The following SLC30A10 variants were observed in gnomAD, a reference collection of about 807,000 sequenced individuals.
The protein encoded by SLC30A10 is calcium/manganese antiporter SLC30A10.
SLC30A10 carries 8 observed loss-of-function variants against 21.7 expected under a neutral mutation model. The observed-to-expected ratio is 0.37, with a 90% CI of 0.22 to 0.67. SLC30A10 has a LOEUF of 0.67. SLC30A10 is among the 30% of genes least tolerant of loss of function. The pLI, the probability that SLC30A10 is intolerant of heterozygous loss-of-function variation, is 0.58. For synonymous variants in SLC30A10, 272 were observed against 279.4 expected, an observed-to-expected ratio of 0.97 and a Z score of 0.26; for missense variants, 521 against 642.5, an observed-to-expected ratio of 0.81 and a Z score of 2.04.
chr1:219,956,000 G>T (rs2789818), intron 1 of SLC30A10, among the ~76,000 whole-genome samples: 54,112 of 151,990 alleles, frequency 0.36, 9,635 homozygotes, highest in Admixed American at 0.4. Flanking sequence ...TATGACGTTC[G>T]TCTGATGCAA....
chr1:219,928,545 C>T lies in SLC30A10; in HGVS notation c.-105G>A. 1 of 1,110,402 alleles carries T rather than the reference C, an allele frequency of 9.0e-7. No individual in the cohort carries two copies. Among genetic ancestry groups the T allele is most frequent in the Non-Finnish European group, 1.2e-6 (1 of 832,208 alleles). The allele number at this position is 1,110,402 out of a possible 1,614,324, so 68.8% of individuals were successfully genotyped here. On this transcript the variant is annotated 5_prime_UTR_variant, in exon 1 of 4. Coordinates refer to ENST00000366926, the MANE Select transcript of SLC30A10 (RefSeq NM_018713.3). The surrounding 1 kb of genome is among the most constrained non-coding windows in gnomAD (Gnocchi z 6.3). ...GCGCGGATCCGTGAGGCCCGGTACC[C>T]GCCTCCCAGATTGTCTCGCCGGCCC...
chr1:219,919,720 G>A (rs1659631938), intron 2 of SLC30A10, among the ~76,000 whole-genome samples: 1 of 150,470 alleles, frequency 6.6e-6, no homozygotes, highest in Non-Finnish European at 1.5e-5. Flanking sequence ...AGGTTGCAGT[G>A]AGCCGAGATA....
At chr1:219,936,077 A>G (rs1270641836) in intron 1 of SLC30A10, among the ~76,000 whole-genome samples, 1 of 152,186 alleles carries the variant, frequency 6.6e-6, no homozygotes, top group African/African-American at 2.4e-5. Context: ...CACTATTACT[A>G]TCACAAAATG....
upstream of SLC30A10, among the ~76,000 whole-genome samples, chr1:219,932,577 T>C (rs578090033): frequency 5.3e-5 from 8 of 152,250 alleles, no homozygotes; most frequent in South Asian, 1.7e-3. Flanking sequence ...TTGGTGAATT[T>C]ATATAATGTG....
chr1:219,940,326 T>C (rs1558258755), intron 1 of SLC30A10, among the ~76,000 whole-genome samples: 1 of 152,208 alleles, frequency 6.6e-6, no homozygotes. Context: ...TATAAGTGAA[T>C]GAGCCTTCAA....
At chr1:219,921,071 G>C (rs533511097) in intron 2 of SLC30A10, among the ~76,000 whole-genome samples, 22 of 152,312 alleles carry the variant, frequency 1.4e-4, no homozygotes, top group Admixed American at 1.3e-3. Flanking sequence ...GCGTGGAAAA[G>C]AAAACAAATT....
chr1:219,957,590 T>C (rs1178144782), intron 1 of SLC30A10, among the ~76,000 whole-genome samples: 2 of 152,242 alleles, frequency 1.3e-5, no homozygotes. Context: ...ATAAGTTACT[T>C]AGCATTTCTC....
intron 2 of SLC30A10, among the ~76,000 whole-genome samples, chr1:219,922,204 T>G (rs1368474843): frequency 0.021 from 1,322 of 63,428 alleles, 116 homozygotes; most frequent in African/African-American, 0.045. Context: ...TTTTTTTTTT[T>G]TTTTTTTTTT....
Position 219,917,706 on chromosome 1 carries a change from T to C in SLC30A10, c.958+549A>G, listed in dbSNP as rs563466771. Among the ~76,000 whole-genome samples the C allele has an allele frequency of 3.5e-5, 5 of 141,848 alleles. No individual in the cohort carries two copies. The South Asian group carries it at 1.1e-3, about 31-fold the overall frequency. The allele number at this position is 141,848 out of a possible 152,430, so 93.1% of individuals were successfully genotyped here. The stretch of plus-strand genomic sequence containing the variant: ...ATTGCATTCTTTTCTTTTTTTTCTT[T>C]CCTTTTTTTTTTTTTTTTTTTTGAG... On this transcript the variant is annotated intron_variant, in intron 3 of 3. Coordinates refer to ENST00000366926, the MANE Select transcript of SLC30A10 (RefSeq NM_018713.3).
intron 1 of SLC30A10, among the ~76,000 whole-genome samples, chr1:219,940,252 T>C (rs937997839): frequency 6.6e-6 from 1 of 152,164 alleles, no homozygotes; most frequent in Non-Finnish European, 1.5e-5. Context: ...CAAGGAGCAG[T>C]CACGTGTAGG....
chr1:219,953,529 G>A (rs1277587929), intron 1 of SLC30A10, among the ~76,000 whole-genome samples: 15 of 151,704 alleles, frequency 9.9e-5, no homozygotes, highest in African/African-American at 3.4e-4. Flanking sequence ...TTGGACCAGG[G>A]AGGCAGAGGT....
intron 1 of SLC30A10, among the ~76,000 whole-genome samples, chr1:219,927,492 A>G (rs1460701567): frequency 2.6e-5 from 4 of 151,978 alleles, no homozygotes; most frequent in Non-Finnish European, 4.4e-5. Context: ...CCGATTTCCA[A>G]GAAAATCAAT....
chr1:219,951,762 C>T (rs565633963), intron 1 of SLC30A10, among the ~76,000 whole-genome samples: 2 of 152,022 alleles, frequency 1.3e-5, no homozygotes, highest in South Asian at 2.1e-4. Flanking sequence ...GAAACAGGGA[C>T]TTGGTCTGTC....
intron 1 of SLC30A10, among the ~76,000 whole-genome samples, chr1:219,955,417 A>C (rs997446041): frequency 6.6e-6 from 1 of 152,102 alleles, no homozygotes; most frequent in African/African-American, 2.4e-5. Context: ...AAGACTTCCA[A>C]GTTTTCTCAT....
At position 219,918,206 on chromosome 1, in the gene SLC30A10, A is replaced by T; in HGVS notation, c.958+49T>A. On this transcript the variant is annotated intron_variant, in intron 3 of 3. Coordinates refer to ENST00000366926, the MANE Select transcript of SLC30A10 (RefSeq NM_018713.3). This position sits in a 1 kb window ranked among gnomAD's most constrained non-coding sequence, Gnocchi z 4.4. ...TAAATAATGCTTGTCCTTTGGCCTG[A>T]ATAACATTAAATTGAGAGTGGTTCT... is the stretch of plus-strand genomic sequence containing the variant. 1.9e-6 allele frequency: 3 copies of T among 1,595,464 alleles called. No homozygotes were observed. The highest frequency in any genetic ancestry group is 2.6e-6 in the Non-Finnish European group (3 of 1,170,414).
At chr1:219,941,007 A>G (rs761896599) in intron 1 of SLC30A10, among the ~76,000 whole-genome samples, 7 of 152,232 alleles carry the variant, frequency 4.6e-5, no homozygotes, top group Admixed American at 6.5e-5. Context: ...ATGACAAAGT[A>G]AAAGGAAGAA....
rs1164535981 is a variant in SLC30A10, at chr1:219,925,632, C to CATATATATATAT, written c.718+1384_718+1395dup. Among the ~76,000 whole-genome samples, 61 of 68,878 alleles carry CATATATATATAT rather than the reference C, an allele frequency of 8.9e-4. 1 individual carries two copies. Among genetic ancestry groups the CATATATATATAT allele is most frequent in the Middle Eastern group, 0.011 (1 of 92 alleles). 45.2% of individuals were successfully genotyped at this position (68,878 alleles called of 152,430 possible). Reference sequence around the variant, plus strand: ...CTTAAAATTTATGTGTGTGTGTGTACATATATATATATATATATATTTTTT... The same window carrying CATATATATATAT: ...CTTAAAATTTATGTGTGTGTGTGTACATATATATATATATATATATATATATATATATTTTTT... On this transcript the variant is annotated intron_variant, in intron 2 of 3. Coordinates refer to ENST00000366926, the MANE Select transcript of SLC30A10 (RefSeq NM_018713.3).
chr1:219,925,652 T>TATATA (rs1491117690), intron 2 of SLC30A10, among the ~76,000 whole-genome samples: 3 of 38,216 alleles, frequency 7.9e-5, no homozygotes, highest in Non-Finnish European at 1.3e-4. Flanking sequence ...TATATATATA[T>TATATA]TTTTTTTTTT....
At chr1:219,950,502 G>A (rs1660252806) in intron 1 of SLC30A10, among the ~76,000 whole-genome samples, 1 of 152,136 alleles carries the variant, frequency 6.6e-6, no homozygotes, top group Non-Finnish European at 1.5e-5. Context: ...AGCCAGGCAT[G>A]GTGGCGGGTG....
Sources: allele counts gnomAD v4.1 joint callset (sites outside exome capture counted in the v4.1 genomes callset), GRCh38; gene constraint gnomAD v4.1.1; non-coding constraint Gnocchi (gnomAD v3.1); transcripts MANE v1.5; gene names NCBI Gene and HGNC (gene_info 2026-07-23, HGNC 2026-07-21).